Variants in SAXO1 observed in about 807,000 individuals in gnomAD.
SAXO1 encodes the protein 4930500O09Rik.
A neutral mutation model predicts 17.5 loss-of-function variants in SAXO1; 21 were observed. The observed-to-expected ratio is 1.20, with a 90% CI of 0.85 to 1.72. The LOEUF is 1.72. SAXO1 is among the 40% of genes most tolerant of loss of function. SAXO1 has a pLI of 0.00. For missense variants in SAXO1, 843 were observed against 596.0 expected (o/e 1.41, Z -4.32); for synonymous variants, 274 against 216.5 (o/e 1.27, Z -2.33).
intron 1 of SAXO1, among the ~76,000 whole-genome samples, chr9:19,012,046 A>G (rs1211998425): frequency 1.3e-5 from 2 of 151,776 alleles, no homozygotes; most frequent in East Asian, 3.9e-4. Context: ...GGGTTTCACC[A>G]TGTTGGCCAG....
chr9:18,999,835 C>T (rs1358726726), intron 1 of SAXO1, among the ~76,000 whole-genome samples: 7 of 143,170 alleles, frequency 4.9e-5, no homozygotes, highest in East Asian at 2.2e-4. Context: ...AAGTGAGGAG[C>T]GCCTCTGCCC....
intron 1 of SAXO1, among the ~76,000 whole-genome samples, chr9:18,999,657 CGTCTGGG>C (rs1834168576): frequency 6.7e-6 from 1 of 148,616 alleles, no homozygotes; most frequent in African/African-American, 2.5e-5. Context: ...GCCGCCACAC[CGTCTGGG>C]AAGTGAGGAG....
rs193074800 is a variant in SAXO1 at position 18,965,510 on chromosome 9, T to C, written c.39-14573A>G. On this transcript the variant is annotated intron_variant, in intron 1 of 3. Transcript: ENST00000380534. Reference sequence around the variant, plus strand: ...ATCCCTTTACCATTATGTAATGCCATTGTCTTATTTGATCTTTGTTGATTT... The same window carrying C: ...ATCCCTTTACCATTATGTAATGCCACTGTCTTATTTGATCTTTGTTGATTT... 5.0e-3 allele frequency among the ~76,000 whole-genome samples: 757 copies of C among 152,340 alleles called. 18 individuals are homozygous for C. Among genetic ancestry groups the C allele is most frequent in the Admixed American group, 0.037 (573 of 15,306 alleles).
intron 1 of SAXO1, among the ~76,000 whole-genome samples, chr9:19,019,336 G>A (rs1473021210): frequency 6.6e-6 from 1 of 152,096 alleles, no homozygotes; most frequent in Non-Finnish European, 1.5e-5. Context: ...TTCTAGTGTT[G>A]AAAGTGATCC....
intron 1 of SAXO1, among the ~76,000 whole-genome samples, chr9:18,958,694 T>C (rs1242916164): frequency 1.3e-5 from 2 of 151,742 alleles, no homozygotes; most frequent in African/African-American, 4.8e-5. Context: ...GCCAAAACGC[T>C]GGGTTAGGAT....
chr9:19,016,987 A>G (rs1563983553), intron 1 of SAXO1, among the ~76,000 whole-genome samples: 1 of 151,996 alleles, frequency 6.6e-6, no homozygotes, highest in Non-Finnish European at 1.5e-5. Context: ...GGCCTGGTCA[A>G]TCAGAAGCTC....
At chr9:19,028,108 A>G (rs1835585563) in intron 1 of SAXO1, 40 of 1,611,230 alleles carry the variant, frequency 2.5e-5, no homozygotes, top group Non-Finnish European at 3.2e-5. Context: ...GGCCAAGAAG[A>G]AAGCCAACCT....
At chr9:18,990,376 C>G (rs1197384947) in intron 1 of SAXO1, among the ~76,000 whole-genome samples, 1 of 152,142 alleles carries the variant, frequency 6.6e-6, no homozygotes. Context: ...TTGCTTGTTG[C>G]TGAGAACTCT....
At chr9:18,990,006 C>G (rs996951335) in intron 1 of SAXO1, among the ~76,000 whole-genome samples, 1 of 152,180 alleles carries the variant, frequency 6.6e-6, no homozygotes, top group Non-Finnish European at 1.5e-5. Flanking sequence ...AAAACTGCCT[C>G]TTGGCAGGTA....
chr9:18,975,184 TGCTGGGGAAGCAAGGAGGCTGCAG>T (rs1368568470), intron 1 of SAXO1, among the ~76,000 whole-genome samples: 2 of 151,612 alleles, frequency 1.3e-5, no homozygotes, highest in Non-Finnish European at 2.9e-5. Flanking sequence ...ACAGCATGAG[TGCTGGGGAAGCAAGGAGGCTGCAG>T]GCTGGGGAAG....
At chr9:19,022,811 TAGAGAAACAACC>T (rs1296146074) in intron 1 of SAXO1, among the ~76,000 whole-genome samples, 3 of 152,168 alleles carry the variant, frequency 2.0e-5, no homozygotes, top group African/African-American at 7.2e-5. Context: ...TCTTTCCTTT[TAGAGAAACAACC>T]AGAGAAACTT....
chr9:18,934,812 G>A (rs913291985), intron 3 of SAXO1, among the ~76,000 whole-genome samples: 39 of 152,128 alleles, frequency 2.6e-4, no homozygotes, highest in Admixed American at 2.3e-3. Flanking sequence ...TTGGGAGTTG[G>A]TTTTACTTGT....
intron 1 of SAXO1, among the ~76,000 whole-genome samples, chr9:18,967,466 G>C (rs945846315): frequency 1.3e-5 from 2 of 152,230 alleles, no homozygotes; most frequent in African/African-American, 4.8e-5. Flanking sequence ...AATCTAGAGA[G>C]GCTGTCTGGC....
rs1220194725 is a variant in SAXO1 at position 18,958,530 on chromosome 9, A to C, written c.39-7593T>G. Among the ~76,000 whole-genome samples the C allele has an allele frequency of 4.6e-5, 7 of 152,216 alleles. No homozygotes were observed. In the East Asian group the frequency reaches 1.2e-3, roughly 25 times the overall value. On this transcript the variant is annotated intron_variant, in intron 1 of 3. Transcript: ENST00000380534. Reference sequence around the variant, plus strand: ...CAACCCCTGAAGTATAAGTCAGAGAAAAGCAACTTTAATGGTTATTTGGTA... The same window carrying C: ...CAACCCCTGAAGTATAAGTCAGAGACAAGCAACTTTAATGGTTATTTGGTA...
intron 1 of SAXO1, among the ~76,000 whole-genome samples, chr9:18,968,148 G>T (rs184529343): frequency 6.6e-6 from 1 of 152,334 alleles, no homozygotes; most frequent in African/African-American, 2.4e-5. Flanking sequence ...CCCACCTTCT[G>T]CATTGGTCTC....
At chr9:18,968,229 G>C (rs1832806425) in intron 1 of SAXO1, among the ~76,000 whole-genome samples, 1 of 152,174 alleles carries the variant, frequency 6.6e-6, no homozygotes, top group Admixed American at 6.5e-5. Context: ...GTTATTTGTA[G>C]AGATGAGGTT....
chr9:19,042,605 G>C (rs748168779), intron 1 of SAXO1, among the ~76,000 whole-genome samples: 1 of 150,608 alleles, frequency 6.6e-6, no homozygotes, highest in Non-Finnish European at 1.5e-5. Context: ...GCTCACACCT[G>C]TAATCCCAGC....
rs1418592770 is a variant in SAXO1 at position 18,934,725 on chromosome 9, T to A, written c.422-5670A>T. On this transcript the variant is annotated intron_variant, in intron 3 of 3. Transcript: ENST00000380534. ...CATGCATGGGTCATACTTCCCTTTT[T>A]CACATCTTACAATTTTTTTGTGTAA... Among the ~76,000 whole-genome samples the A allele has an allele frequency of 2.6e-5, 4 of 152,202 alleles. No individual in the cohort carries two copies. The East Asian group carries it at 7.7e-4, about 29-fold the overall frequency.
intron 1 of SAXO1, among the ~76,000 whole-genome samples, chr9:19,010,272 G>A (rs1180443323): frequency 6.6e-6 from 1 of 152,156 alleles, no homozygotes; most frequent in Non-Finnish European, 1.5e-5. Flanking sequence ...AGTGCCACGT[G>A]CAGTAGAGGG....
Sources: gnomAD v4.1 joint callset for allele counts (sites outside exome capture counted in the v4.1 genomes callset) on GRCh38, gnomAD v4.1.1 for gene constraint, MANE v1.5 for transcripts, NCBI Gene and HGNC (gene_info 2026-07-23, HGNC 2026-07-21) for gene names.